The following OLAH variants were observed in gnomAD, a reference collection of about 807,000 sequenced individuals.
OLAH encodes S-acyl fatty acid synthase thioesterase, medium chain.
OLAH carries 33 observed loss-of-function variants against 27.8 expected under a neutral mutation model. The observed-to-expected ratio is 1.19, with a 90% CI of 0.90 to 1.59. OLAH has a LOEUF of 1.59. Ranked by LOEUF, OLAH falls within the 40% of genes most tolerant of loss-of-function variation. The probability of loss-of-function intolerance (pLI) is 0.00; values close to 1 mark genes in which losing one functional copy is unlikely to be tolerated. For synonymous variants in OLAH, 120 were observed against 102.9 expected, an observed-to-expected ratio of 1.17 and a Z score of -1.01; for missense variants, 359 against 310.8, an observed-to-expected ratio of 1.16 and a Z score of -1.17.
At chr10:15,061,370 C>T (rs966159641) in intron 3 of OLAH, among the ~76,000 whole-genome samples, 8 of 152,134 alleles carry the variant, frequency 5.3e-5, no homozygotes, top group Non-Finnish European at 1.0e-4. Flanking sequence ...ATCTCCTGAC[C>T]CTCTAGGTCA....
chr10:15,071,421 G>T, intron 6 of OLAH: 2 of 637,930 alleles, frequency 3.1e-6, no homozygotes, highest in Non-Finnish European at 3.9e-6. Flanking sequence ...GTTTGCTGCT[G>T]TTGTGAGGTT....
At chr10:15,052,074 G>A (rs1415922668) in intron 3 of OLAH, among the ~76,000 whole-genome samples, 1 of 152,132 alleles carries the variant, frequency 6.6e-6, no homozygotes, top group African/African-American at 2.4e-5. Context: ...TTTGAGGTCA[G>A]GAGTTCAAGA....
intron 3 of OLAH, among the ~76,000 whole-genome samples, chr10:15,055,786 T>C (rs760575563): frequency 3.9e-4 from 59 of 152,062 alleles, no homozygotes; most frequent in Admixed American, 5.9e-4. Context: ...TCTCCATTTA[T>C]GGCCTCCTCA....
rs148054552 is a variant in OLAH at position 15,038,046 on chromosome 10, G to A, written c.-164+5696G>A. Among the ~76,000 whole-genome samples the A allele has an allele frequency of 4.4e-4, 67 of 152,346 alleles. No homozygotes were observed. The East Asian group carries it at 0.013, about 29-fold the overall frequency. ...CTGGGAACCCACTTCTTGCATTAGTGTGACCCAGATGCAAGACATGGAATC... is the reference window on the plus strand; with the variant it reads ...CTGGGAACCCACTTCTTGCATTAGTATGACCCAGATGCAAGACATGGAATC... On this transcript the variant is annotated intron_variant, in intron 1 of 3. Coordinates refer to the OLAH transcript ENST00000413672.
intron 3 of OLAH, among the ~76,000 whole-genome samples, chr10:15,050,427 C>T (rs1195935899): frequency 1.3e-5 from 2 of 152,060 alleles, no homozygotes; most frequent in African/African-American, 2.4e-5. Flanking sequence ...GCCACCATGC[C>T]CAGCTAATTT....
intron 3 of OLAH, chr10:15,056,997 T>A: frequency 7.1e-7 from 1 of 1,404,760 alleles, no homozygotes; most frequent in Non-Finnish European, 9.4e-7. Flanking sequence ...GTTTTTTGTG[T>A]TGAAAATGTC....
chr10:15,071,530 T>C, intron 6 of OLAH: 1 of 925,752 alleles, frequency 1.1e-6, no homozygotes, highest in Non-Finnish European at 1.3e-6. Flanking sequence ...CCACCAGCCT[T>C]ACCTTGAGTT....
chr10:15,043,083 G>A (rs577239147), upstream of OLAH, among the ~76,000 whole-genome samples: 88 of 151,774 alleles, frequency 5.8e-4, no homozygotes, highest in Middle Eastern at 3.4e-3. Context: ...GGTGGTCTCA[G>A]TCTCCTGACC....
In OLAH at chr10:15,073,836, ATGAT is replaced by A. The variant is rs2131387632; in HGVS notation, c.*610_*613del. On this transcript the variant is annotated 3_prime_UTR_variant, in exon 8 of 8. Coordinates refer to ENST00000378228, the MANE Select transcript of OLAH (RefSeq NM_001039702.3). ...TTAACAGGGGAAATGCTTGAAGTAA[ATGAT>A]TGTTTCAATGGCATACCGTGTCTCA... 1 of 152,292 alleles carries A rather than the reference ATGAT, an allele frequency of 6.6e-6. No homozygotes were observed. Among genetic ancestry groups the A allele is most frequent in the Non-Finnish European group, 1.5e-5 (1 of 68,028 alleles). 9.4% of individuals were successfully genotyped at this position (152,292 alleles called of 1,614,324 possible).
At chr10:15,063,428 G>A (rs182626634) in intron 4 of OLAH, among the ~76,000 whole-genome samples, 7 of 152,322 alleles carry the variant, frequency 4.6e-5, no homozygotes, top group Admixed American at 2.6e-4. Flanking sequence ...ACTGCATCCA[G>A]CCTGTAGAAG....
Position 15,071,848 on chromosome 10 carries a change from G to C in OLAH, c.626G>C (p.Gly209Ala), listed in dbSNP as rs765372636. ...VLSCDLTCFVGSEDIAKDMEA... is the reference protein window; with the variant it reads ...VLSCDLTCFVASEDIAKDMEA... ...TCCTGTGACTTGACATGTTTTGTTG[G>C]ATCTGAAGACATAGCAAAGGACATG... The change falls in exon 7 of 8, where the codon GGA (glycine) becomes GCA (alanine). Residue 209 changes from glycine to alanine, a missense_variant. Coordinates refer to ENST00000378228, the MANE Select transcript of OLAH (RefSeq NM_001039702.3). 6.2e-7 allele frequency: 1 copy of C among 1,613,224 alleles called. No homozygotes were observed. Among genetic ancestry groups the C allele is most frequent in the Non-Finnish European group, 8.5e-7 (1 of 1,179,170 alleles).
chr10:15,033,186 T>C (rs946060173), intron 1 of OLAH, among the ~76,000 whole-genome samples: 1 of 152,090 alleles, frequency 6.6e-6, no homozygotes, highest in Non-Finnish European at 1.5e-5. Flanking sequence ...CAGTGAAAAG[T>C]ATTTAACTCA....
intron 3 of OLAH, among the ~76,000 whole-genome samples, chr10:15,058,416 T>A (rs1274993874): frequency 6.6e-6 from 1 of 152,194 alleles, no homozygotes; most frequent in African/African-American, 2.4e-5. Flanking sequence ...CTTTAAATGA[T>A]CACAGTCTAC....
chr10:15,069,664 C>T (rs540148423), intron 6 of OLAH, among the ~76,000 whole-genome samples: 18 of 152,200 alleles, frequency 1.2e-4, no homozygotes, highest in East Asian at 3.9e-4. Flanking sequence ...GTCAGGAGTT[C>T]GAGACCAGCC....
At chr10:15,056,638 T>C (rs1003295168) in intron 3 of OLAH, among the ~76,000 whole-genome samples, 1 of 151,976 alleles carries the variant, frequency 6.6e-6, no homozygotes, top group African/African-American at 2.4e-5. Flanking sequence ...TTCCTTTTTC[T>C]TTCTTTTCTT....
At chr10:15,072,964 T>C (rs371802031) in intron 7 of OLAH, 123 bp from the exon 8 acceptor site, 19 of 864,718 alleles carry the variant, frequency 2.2e-5, no homozygotes, top group African/African-American at 1.5e-4. Flanking sequence ...CTTCATCACC[T>C]AGAACATAAG....
At chr10:15,050,182 C>G (rs1441675974) in intron 3 of OLAH, among the ~76,000 whole-genome samples, 1 of 152,212 alleles carries the variant, frequency 6.6e-6, no homozygotes. Flanking sequence ...CTTTGGGAGG[C>G]TGAGGCAGGA....
chr10:15,069,514 T>A (rs550612629), intron 6 of OLAH, among the ~76,000 whole-genome samples: 1 of 152,152 alleles, frequency 6.6e-6, no homozygotes, highest in Non-Finnish European at 1.5e-5. Context: ...GAGGTGTCTC[T>A]CTAGCCTCTC....
At chr10:15,035,943 G>A (rs922375799) in intron 1 of OLAH, among the ~76,000 whole-genome samples, 1 of 152,102 alleles carries the variant, frequency 6.6e-6, no homozygotes, top group Admixed American at 6.6e-5. Context: ...GGCAGCTGAA[G>A]AAACCCAGGC....
Sources: gnomAD v4.1 joint callset for allele counts (sites outside exome capture counted in the v4.1 genomes callset) on GRCh38, gnomAD v4.1.1 for gene constraint, MANE v1.5 for transcripts, NCBI Gene and HGNC (gene_info 2026-07-23, HGNC 2026-07-21) for gene names.